Variants in ZFHX4 observed in about 807,000 individuals in gnomAD.
ZFHX4 encodes the protein zinc finger homeobox 4, also known as zinc finger homeobox protein 4.
Under a neutral mutation model 267.6 loss-of-function variants are expected in ZFHX4, and 56 were observed. That is an observed-to-expected ratio of 0.21 (90% CI 0.17 to 0.26). The LOEUF is 0.26. Among genes scored for constraint, ZFHX4 ranks in the 10% least tolerant of loss-of-function variants. The probability of loss-of-function intolerance (pLI) is 1.00; values close to 1 mark genes in which losing one functional copy is unlikely to be tolerated. For synonymous variants in ZFHX4, 1,778 were observed against 1,665.6 expected, an observed-to-expected ratio of 1.07 and a Z score of -1.64; for missense variants, 4,332 against 4,420.0, an observed-to-expected ratio of 0.98 and a Z score of 0.56.
chr8:76,684,487 GATTTTTA>G (rs1807641269), intron 1 of ZFHX4, among the ~76,000 whole-genome samples: 1 of 152,116 alleles, frequency 6.6e-6, no homozygotes, highest in Admixed American at 6.5e-5. Flanking sequence ...GTTGATTTTG[GATTTTTA>G]AAAAAGTAAA....
intron 3 of ZFHX4, chr8:76,733,555 G>A (rs1809077532): frequency 4.6e-5 from 7 of 152,164 alleles, no homozygotes. Flanking sequence ...TGTCCTCCTT[G>A]CAGTTTTGAG....
At chr8:76,696,117 T>C (rs1807949892) in intron 1 of ZFHX4, among the ~76,000 whole-genome samples, 1 of 152,322 alleles carries the variant, frequency 6.6e-6, no homozygotes, top group East Asian at 1.9e-4. Flanking sequence ...TCCACACTGA[T>C]ATTTTGCTAC....
At position 76,851,422 on chromosome 8, in the gene ZFHX4, C is replaced by G; in HGVS notation, c.4501C>G (p.Pro1501Ala). The change falls in exon 10 of 11, where the codon CCT becomes GCT. Residue 1501 changes from proline (P) to alanine (A), a missense_variant. Physicochemically the swap from Pro to Ala is conservative, Grantham distance 27 (BLOSUM62 -1). Coordinates refer to ENST00000651372, the MANE Select transcript of ZFHX4 (RefSeq NM_024721.5). ...GGTGGACCACGAAGGGAAAGCAAGT[C>G]CTGTAGGAAGTGATAGTAGCTCTAT... The part of the protein sequence containing the change: ...YEVDHEGKAS[P>A]VGSDSSSIPD... 1 of 1,613,838 alleles carries G rather than the reference C, an allele frequency of 6.2e-7. No homozygotes were observed. The highest frequency in any genetic ancestry group is 1.1e-5 in the South Asian group (1 of 91,072).
intron 4 of ZFHX4, among the ~76,000 whole-genome samples, chr8:76,796,396 A>G (rs1810980711): frequency 6.6e-6 from 1 of 152,172 alleles, no homozygotes; most frequent in African/African-American, 2.4e-5. Flanking sequence ...AAGGAAGTTA[A>G]TTTTCTAGAA....
intron 6 of ZFHX4, among the ~76,000 whole-genome samples, chr8:76,843,684 T>A (rs140934232): frequency 6.6e-6 from 1 of 152,312 alleles, no homozygotes; most frequent in Non-Finnish European, 1.5e-5. Context: ...TTCAAGCCTA[T>A]TAGTTTCAGG....
chr8:76,693,373 T>A (rs1215515846), intron 1 of ZFHX4: 1 of 152,216 alleles, frequency 6.6e-6, no homozygotes, highest in Non-Finnish European at 1.5e-5. Context: ...GCTTTTTATA[T>A]TAGAACCATA....
At chr8:76,837,150 T>C (rs543010506) in intron 5 of ZFHX4, among the ~76,000 whole-genome samples, 1 of 152,150 alleles carries the variant, frequency 6.6e-6, no homozygotes, top group Non-Finnish European at 1.5e-5. Context: ...GGAGGTAATG[T>C]AGATAGAGAA....
chr8:76,688,255 T>C (rs1053218374), intron 1 of ZFHX4, among the ~76,000 whole-genome samples: 4 of 152,174 alleles, frequency 2.6e-5, no homozygotes, highest in African/African-American at 7.2e-5. Context: ...TGATGGAATA[T>C]AAGGTGCCTG....
At chr8:76,693,591 T>C (rs779854980) in intron 1 of ZFHX4, 1 of 152,198 alleles carries the variant, frequency 6.6e-6, no homozygotes, top group African/African-American at 2.4e-5. Context: ...TCTATAATAT[T>C]AATATGAGAA....
intron 3 of ZFHX4, among the ~76,000 whole-genome samples, chr8:76,759,378 C>T (rs1809849286): frequency 6.6e-6 from 1 of 152,222 alleles, no homozygotes; most frequent in Non-Finnish European, 1.5e-5. Flanking sequence ...AAGTGTAATT[C>T]CTCCCGGGTG....
chr8:76,783,420 T>G (rs916532188), intron 4 of ZFHX4, among the ~76,000 whole-genome samples: 12 of 152,066 alleles, frequency 7.9e-5, no homozygotes, highest in African/African-American at 2.7e-4. Flanking sequence ...TTATTAAAAC[T>G]GAAATGCTAA....
chr8:76,794,034 A>G (rs899887289), intron 4 of ZFHX4, among the ~76,000 whole-genome samples: 1 of 152,172 alleles, frequency 6.6e-6, no homozygotes, highest in Non-Finnish European at 1.5e-5. Context: ...CCCAACAAGC[A>G]TTTTAAGTAT....
At chr8:76,682,668 G>A (rs1339192037) in intron 1 of ZFHX4, 1 of 153,372 alleles carries the variant, frequency 6.5e-6, no homozygotes, top group Non-Finnish European at 1.4e-5. Context: ...AAGGGCAAGG[G>A]GTGTGTGCGT....
At chr8:76,833,497 G>A (rs1811992278) in intron 5 of ZFHX4, 91 bp downstream of exon 5, 4 of 1,006,928 alleles carry the variant, frequency 4.0e-6, no homozygotes, top group South Asian at 2.9e-5. Context: ...ACATTCTCTG[G>A]AACTTCTCTA....
At chr8:76,822,450 C>CTGTTTTTTTTTTTTTTTTTTTTT (rs1418711368) in intron 4 of ZFHX4, among the ~76,000 whole-genome samples, 1 of 137,416 alleles carries the variant, frequency 7.3e-6, no homozygotes, top group Non-Finnish European at 1.5e-5. Context: ...CTGTGTCTAC[C>CTGTTTTTTTTTTTTTTTTTTTTT]TCTTTTTTTT....
intron 3 of ZFHX4, among the ~76,000 whole-genome samples, chr8:76,713,282 A>AGATAGAT (rs1808475293): frequency 7.0e-6 from 1 of 143,070 alleles, no homozygotes; most frequent in African/African-American, 2.6e-5. Flanking sequence ...GATAGATAGA[A>AGATAGAT]AGATAGATAG....
chr8:76,775,644 T>C (rs960087238), intron 3 of ZFHX4, among the ~76,000 whole-genome samples: 1 of 152,194 alleles, frequency 6.6e-6, no homozygotes, highest in Non-Finnish European at 1.5e-5. Flanking sequence ...CCCAAGCCTT[T>C]TCTTTTAACC....
chr8:76,814,264 GA>G (rs1811448038), intron 4 of ZFHX4, among the ~76,000 whole-genome samples: 1 of 152,014 alleles, frequency 6.6e-6, no homozygotes, highest in East Asian at 1.9e-4. Flanking sequence ...TATTAAAAAC[GA>G]AAAAGAAGCT....
At chr8:76,789,182 A>C (rs540482782) in intron 4 of ZFHX4, among the ~76,000 whole-genome samples, 35 of 152,310 alleles carry the variant, frequency 2.3e-4, no homozygotes, top group African/African-American at 8.4e-4. Flanking sequence ...CCACTCCTGG[A>C]TGAGTAGGAA....
Sources: allele counts gnomAD v4.1 joint callset (sites outside exome capture counted in the v4.1 genomes callset), GRCh38; gene constraint gnomAD v4.1.1; transcripts MANE v1.5; gene names NCBI Gene and HGNC (gene_info 2026-07-23, HGNC 2026-07-21).